Variants in XYLT1 observed in about 807,000 individuals in gnomAD.
The protein encoded by XYLT1 is xylosyltransferase 1, also known as beta-D-xylosyltransferase 1.
In XYLT1, 36 loss-of-function variants were observed where a neutral mutation model predicts 91.3. That is an observed-to-expected ratio of 0.39 (90% CI 0.30 to 0.52). The LOEUF is 0.52. Among genes scored for constraint, XYLT1 ranks in the 20% least tolerant of loss-of-function variants. XYLT1 has a pLI of 0.68. For missense variants in XYLT1, 1,242 were observed against 1,284.5 expected, an observed-to-expected ratio of 0.97 and a Z score of 0.51; for synonymous variants, 588 against 532.0, an observed-to-expected ratio of 1.11 and a Z score of -1.45.
chr16:17,301,690 G>A (rs1294247773), intron 2 of XYLT1, among the ~76,000 whole-genome samples: 3 of 152,142 alleles, frequency 2.0e-5, no homozygotes, highest in Non-Finnish European at 2.9e-5. Flanking sequence ...GCCACAGTGC[G>A]AAGGCGTTTC....
At chr16:17,368,145 G>A (rs1048294121) in intron 1 of XYLT1, among the ~76,000 whole-genome samples, 3 of 152,126 alleles carry the variant, frequency 2.0e-5, no homozygotes, top group Non-Finnish European at 2.9e-5. Flanking sequence ...CACGGGGGGC[G>A]GAAAAAACGA....
chr16:17,138,610 T>G lies in XYLT1; in HGVS notation c.1588-79A>C, dbSNP rs1351241177. 7.2e-6 allele frequency: 11 copies of G among 1,520,034 alleles called. No homozygotes were observed. The Admixed American group carries it at 1.2e-4, about 17-fold the overall frequency. 94.2% of individuals were successfully genotyped at this position (1,520,034 alleles called of 1,614,324 possible). A position where few individuals can be genotyped will look rare whatever the true frequency, so the allele number is the denominator to read the frequency against. On this transcript the variant is annotated intron_variant, in intron 7 of 11. Coordinates refer to ENST00000261381, the MANE Select transcript of XYLT1 (RefSeq NM_022166.4). ...AACTGGGGTGGGAAATGGTGAACCCTTGCTCTGAGTTCATGTAAGAACTGG... is the reference window on the plus strand; with the variant it reads ...AACTGGGGTGGGAAATGGTGAACCCGTGCTCTGAGTTCATGTAAGAACTGG...
intron 3 of XYLT1, among the ~76,000 whole-genome samples, chr16:17,225,485 A>G (rs1469285563): frequency 6.6e-6 from 1 of 152,150 alleles, no homozygotes. Context: ...TCTGGCTTGT[A>G]TTACCATCAG....
In XYLT1 at chr16:17,225,675, G is replaced by A. The variant is rs188007609; in HGVS notation, c.914-25021C>T. 7.0e-4 allele frequency among the ~76,000 whole-genome samples: 107 copies of A among 152,182 alleles called. 1 individual carries two copies. Among genetic ancestry groups the A allele is most frequent in the Admixed American group, 5.0e-3 (76 of 15,276 alleles). ...CAGCGAAATGGAATATAATTATGGTGTGACATTTCCAACAGCAAATATGTT... is the reference window on the plus strand; with the variant it reads ...CAGCGAAATGGAATATAATTATGGTATGACATTTCCAACAGCAAATATGTT... On this transcript the variant is annotated intron_variant, in intron 3 of 11. Transcript: ENST00000261381.
At chr16:17,181,857 C>G (rs1011693930) in intron 5 of XYLT1, among the ~76,000 whole-genome samples, 3 of 152,008 alleles carry the variant, frequency 2.0e-5, no homozygotes. Flanking sequence ...GGGGTGGGTA[C>G]AGTAAGCTAA....
chr16:17,148,143 T>G (rs2031185923), intron 6 of XYLT1, among the ~76,000 whole-genome samples: 1 of 152,228 alleles, frequency 6.6e-6, no homozygotes, highest in Non-Finnish European at 1.5e-5. Context: ...ATGACACCTG[T>G]GTCTTGACAG....
At chr16:17,401,272 T>C (rs1416027804) in intron 1 of XYLT1, among the ~76,000 whole-genome samples, 1 of 152,160 alleles carries the variant, frequency 6.6e-6, no homozygotes, top group Non-Finnish European at 1.5e-5. Context: ...TCCACCATTC[T>C]GCCTTGAGGT....
chr16:17,363,352 G>A (rs2035408649), intron 1 of XYLT1, among the ~76,000 whole-genome samples: 1 of 152,184 alleles, frequency 6.6e-6, no homozygotes, highest in Non-Finnish European at 1.5e-5. Flanking sequence ...CACAGGTGAG[G>A]TGGCTTAAAC....
intron 2 of XYLT1, among the ~76,000 whole-genome samples, chr16:17,320,868 T>C (rs1596480644): frequency 6.6e-6 from 1 of 151,728 alleles, no homozygotes; most frequent in East Asian, 1.9e-4. Context: ...ACTCATAGAA[T>C]TGTTTTTGGC....
intron 5 of XYLT1, among the ~76,000 whole-genome samples, chr16:17,180,995 G>A (rs907554645): frequency 5.3e-5 from 8 of 152,204 alleles, no homozygotes; most frequent in African/African-American, 1.9e-4. Context: ...ATGGGGTGAG[G>A]GTTGGTGAGG....
intron 2 of XYLT1, among the ~76,000 whole-genome samples, chr16:17,275,419 C>A (rs1464443819): frequency 6.6e-6 from 1 of 152,136 alleles, no homozygotes; most frequent in Admixed American, 6.5e-5. Context: ...CCACTTCCAC[C>A]AAAGGCCCTG....
At chr16:17,325,206 T>C (rs1416529369) in intron 2 of XYLT1, among the ~76,000 whole-genome samples, 1 of 152,208 alleles carries the variant, frequency 6.6e-6, no homozygotes, top group Non-Finnish European at 1.5e-5. Flanking sequence ...GAGACCAGTC[T>C]GGCCAACATG....
intron 10 of XYLT1, among the ~76,000 whole-genome samples, chr16:17,120,474 C>A (rs1324831762): frequency 6.6e-6 from 1 of 152,010 alleles, no homozygotes; most frequent in Non-Finnish European, 1.5e-5. Context: ...TCCTCTTGAT[C>A]TTCTGGCCAT....
At chr16:17,165,398 C>T (rs763002197) in intron 5 of XYLT1, among the ~76,000 whole-genome samples, 7 of 152,070 alleles carry the variant, frequency 4.6e-5, no homozygotes, top group Non-Finnish European at 7.4e-5. Context: ...ATAGAATGGG[C>T]GTAGCCAGCT....
intron 1 of XYLT1, among the ~76,000 whole-genome samples, chr16:17,364,932 G>A (rs926640922): frequency 2.0e-5 from 3 of 152,140 alleles, no homozygotes; most frequent in East Asian, 1.9e-4. Context: ...GGATTCTTAC[G>A]TACGCTGAAC....
intron 10 of XYLT1, among the ~76,000 whole-genome samples, chr16:17,124,575 A>C (rs769724050): frequency 1.3e-5 from 2 of 152,170 alleles, no homozygotes; most frequent in Non-Finnish European, 2.9e-5. Context: ...CTTGATGACT[A>C]TGTGCCTAGG....
In XYLT1 at chr16:17,136,929, GTGATGAAGATTCT is replaced by G. The variant is rs1311803507; in HGVS notation, c.1764+1413_1764+1425del. Among the ~76,000 whole-genome samples, 5 of 152,262 alleles carry G rather than the reference GTGATGAAGATTCT, an allele frequency of 3.3e-5. No individual in the cohort carries two copies. In the East Asian group the frequency reaches 9.7e-4, roughly 29 times the overall value. On this transcript the variant is annotated intron_variant, in intron 8 of 11. Coordinates refer to ENST00000261381, the MANE Select transcript of XYLT1 (RefSeq NM_022166.4). ...AGCACGTGGAGGTTTTGTGCTCTAAGTGATGAAGATTCTCTGCGATTAGGGCAGTGAGGGACGG... is the reference window on the plus strand; with the variant it reads ...AGCACGTGGAGGTTTTGTGCTCTAAGCTGCGATTAGGGCAGTGAGGGACGG...
chr16:17,353,750 T>C (rs7500021), intron 2 of XYLT1, among the ~76,000 whole-genome samples: 68,029 of 152,100 alleles, frequency 0.45, 16,185 homozygotes, highest in African/African-American at 0.57. Flanking sequence ...TTGGATTGCA[T>C]ATACCAAGCC....
chr16:17,202,549 T>C (rs1200809357), intron 3 of XYLT1, among the ~76,000 whole-genome samples: 1 of 152,174 alleles, frequency 6.6e-6, no homozygotes, highest in African/African-American at 2.4e-5. Flanking sequence ...CCCTGGCTTC[T>C]TGTGATCTGG....
Sources: gnomAD v4.1 joint callset for allele counts (sites outside exome capture counted in the v4.1 genomes callset) on GRCh38, gnomAD v4.1.1 for gene constraint, MANE v1.5 for transcripts, NCBI Gene and HGNC (gene_info 2026-07-23, HGNC 2026-07-21) for gene names.